The following PRKN variants were observed in gnomAD, a reference collection of about 807,000 sequenced individuals.
The protein encoded by PRKN is E3 ubiquitin-protein ligase parkin.
In PRKN, 56 loss-of-function variants were observed where a neutral mutation model predicts 59.5. The ratio of observed to expected loss-of-function variants is 0.94; its 90% confidence interval spans 0.76 to 1.18. PRKN has a LOEUF of 1.18. PRKN is among the 50% of genes most tolerant of loss of function. The pLI, the probability that PRKN is intolerant of heterozygous loss-of-function variation, is 0.00. For synonymous variants in PRKN, 250 were observed against 222.1 expected (o/e 1.13, Z -1.12); for missense variants, 657 against 596.4 (o/e 1.10, Z -1.06).
chr6:162,042,895 A>G, intron 5 of PRKN, among the ~76,000 whole-genome samples: 1 of 152,230 alleles, frequency 6.6e-6, no homozygotes, highest in Non-Finnish European at 1.5e-5. Flanking sequence ...GTTCATTTTT[A>G]TAAGGCAGGT....
chr6:162,406,773 C>A (rs1368897464), intron 2 of PRKN, among the ~76,000 whole-genome samples: 1 of 152,186 alleles, frequency 6.6e-6, no homozygotes, highest in East Asian at 1.9e-4. Context: ...TTCTCCTCCC[C>A]TCTTCCACAC....
chr6:162,555,355 T>C (rs1387997020), intron 1 of PRKN, among the ~76,000 whole-genome samples: 2 of 152,126 alleles, frequency 1.3e-5, no homozygotes, highest in Admixed American at 6.6e-5. Flanking sequence ...ATTTAAAAGT[T>C]AAAAAAATTC....
chr6:161,724,464 T>A (rs889187303), intron 7 of PRKN, among the ~76,000 whole-genome samples: 1 of 152,180 alleles, frequency 6.6e-6, no homozygotes, highest in Non-Finnish European at 1.5e-5. Flanking sequence ...CCTCTGATGA[T>A]AGTGTGAATT....
At chr6:162,044,600 G>A (rs1355699989) in intron 5 of PRKN, among the ~76,000 whole-genome samples, 2 of 152,202 alleles carry the variant, frequency 1.3e-5, no homozygotes, top group Non-Finnish European at 2.9e-5. Flanking sequence ...CTCCATCAAA[G>A]CAGGGAATGT....
At chr6:162,204,584 C>T (rs1440611901) in intron 3 of PRKN, among the ~76,000 whole-genome samples, 8 of 152,206 alleles carry the variant, frequency 5.3e-5, no homozygotes, top group East Asian at 1.9e-4. Context: ...TATCTGCCTA[C>T]GGCCAAGTTC....
intron 9 of PRKN, among the ~76,000 whole-genome samples, chr6:161,515,481 T>A (rs1402872744): frequency 6.6e-6 from 1 of 152,210 alleles, no homozygotes; most frequent in African/African-American, 2.4e-5. Flanking sequence ...GGCATTTGGT[T>A]GTGGGATGCT....
intron 1 of PRKN, among the ~76,000 whole-genome samples, chr6:162,456,971 T>C (rs1790905362): frequency 6.6e-6 from 1 of 152,124 alleles, no homozygotes; most frequent in African/African-American, 2.4e-5. Flanking sequence ...AGCACCAAAA[T>C]ATGAAAAACA....
chr6:162,001,167 T>C (rs997591699), intron 5 of PRKN, among the ~76,000 whole-genome samples: 3 of 152,188 alleles, frequency 2.0e-5, no homozygotes, highest in South Asian at 2.1e-4. Context: ...AATCAGTTTG[T>C]TGATATTCAC....
At chr6:162,720,790 C>T (rs1393614106) in intron 1 of PRKN, among the ~76,000 whole-genome samples, 1 of 152,152 alleles carries the variant, frequency 6.6e-6, no homozygotes, top group African/African-American at 2.4e-5. Flanking sequence ...ATGAGTCATG[C>T]AGATATCTAA....
intron 9 of PRKN, among the ~76,000 whole-genome samples, chr6:161,507,820 C>T (rs901052943): frequency 6.6e-6 from 1 of 152,166 alleles, no homozygotes; most frequent in Admixed American, 6.5e-5. Flanking sequence ...CGGGTTTTCA[C>T]GTCCAGCCTG....
chr6:161,546,499 T>C lies in PRKN; in HGVS notation c.1083+2355A>G, dbSNP rs1409285065. 1.3e-5 allele frequency among the ~76,000 whole-genome samples: 2 copies of C among 152,174 alleles called. No individual in the cohort carries two copies. Among genetic ancestry groups the C allele is most frequent in the African/African-American group, 4.8e-5 (2 of 41,444 alleles). ...GAAGCCAAAGCAATGGGAATGGACA[T>C]AAGCTTGCAAAAGTGTATGGAGACT... On this transcript the variant is annotated intron_variant, in intron 9 of 11. Transcript: ENST00000366898. This position sits in a 1 kb window ranked among gnomAD's most constrained non-coding sequence, Gnocchi z 4.4.
intron 2 of PRKN, among the ~76,000 whole-genome samples, chr6:162,292,783 A>G (rs1393025956): frequency 6.6e-6 from 1 of 152,104 alleles, no homozygotes; most frequent in Non-Finnish European, 1.5e-5. Context: ...GGGGGATATA[A>G]AAACCCCCAG....
intron 6 of PRKN, among the ~76,000 whole-genome samples, chr6:161,917,006 G>A (rs1778590031): frequency 6.6e-6 from 1 of 151,786 alleles, no homozygotes; most frequent in East Asian, 2.0e-4. Context: ...GTTTCACCGT[G>A]TTAGGCAGGA....
intron 5 of PRKN, among the ~76,000 whole-genome samples, chr6:162,021,143 T>C (rs796624934): frequency 0.016 from 169 of 10,718 alleles, 13 homozygotes; most frequent in East Asian, 0.033. Context: ...TATATATATA[T>C]ATATATATAT....
intron 1 of PRKN, among the ~76,000 whole-genome samples, chr6:162,566,726 C>G (rs1271532373): frequency 1.3e-5 from 2 of 152,128 alleles, no homozygotes; most frequent in Admixed American, 6.5e-5. Context: ...CTAATACCAA[C>G]CCTACTCAAA....
rs1295691820 is a variant in PRKN at position 162,089,713 on chromosome 6, G to A, written c.535-35539C>T. ...ATGGAATATTATTTGGCAATAAAAA[G>A]GAATGAGGTACCACAAGTCGCAAAT... On this transcript the variant is annotated intron_variant, in intron 4 of 11. Coordinates refer to ENST00000366898, the MANE Select transcript of PRKN (RefSeq NM_004562.3). Among the ~76,000 whole-genome samples the A allele has an allele frequency of 3.9e-5, 6 of 152,254 alleles. No individual in the cohort carries two copies. In the East Asian group the frequency reaches 1.2e-3, roughly 29 times the overall value.
At chr6:162,187,189 G>T (rs956990908) in intron 4 of PRKN, among the ~76,000 whole-genome samples, 4 of 152,144 alleles carry the variant, frequency 2.6e-5, no homozygotes, top group Non-Finnish European at 4.4e-5. Context: ...AGAGAAAATC[G>T]GGGTGGATAA....
chr6:161,558,749 T>C (rs958945385), intron 8 of PRKN, among the ~76,000 whole-genome samples: 3 of 152,118 alleles, frequency 2.0e-5, no homozygotes, highest in African/African-American at 4.8e-5. Context: ...TCTATACGCA[T>C]TAGAAATTTT....
chr6:161,954,273 C>A (rs1373649488), intron 6 of PRKN, among the ~76,000 whole-genome samples: 1 of 152,110 alleles, frequency 6.6e-6, no homozygotes, highest in Non-Finnish European at 1.5e-5. Flanking sequence ...TTCATCAGTT[C>A]CACTAAAGAC....
Sources: allele counts gnomAD v4.1 joint callset (sites outside exome capture counted in the v4.1 genomes callset), GRCh38; gene constraint gnomAD v4.1.1; non-coding constraint Gnocchi (gnomAD v3.1); transcripts MANE v1.5; gene names NCBI Gene and HGNC (gene_info 2026-07-23, HGNC 2026-07-21).